Variants in SAPCD2 observed in about 807,000 individuals in gnomAD.
SAPCD2 encodes suppressor APC domain containing 2, also known as suppressor APC domain-containing protein 2.
A neutral mutation model predicts 37.8 loss-of-function variants in SAPCD2; 34 were observed. The observed-to-expected ratio is 0.90, with a 90% CI of 0.68 to 1.20. SAPCD2 has a LOEUF of 1.20. Among genes scored for constraint, SAPCD2 ranks in the 50% most tolerant of loss-of-function variants. The pLI is 0.00. For missense variants in SAPCD2, 572 were observed against 584.7 expected (o/e 0.98, Z 0.22); for synonymous variants, 275 against 270.3 (o/e 1.02, Z -0.17).
In SAPCD2 at chr9:137,070,283, C is replaced by G. The variant is rs2131532753; in HGVS notation, c.178G>C (p.Asp60His). ...ACCCCGCGGGGCAGCTCCCGCGCGTCGGTGCCCTGCCAGCGGGACTCGATC... is the reference window on the plus strand; with the variant it reads ...ACCCCGCGGGGCAGCTCCCGCGCGTGGGTGCCCTGCCAGCGGGACTCGATC... Reference protein sequence around the residue: ...REIESRWQGTDARELPRGVLE... With the variant: ...REIESRWQGTHARELPRGVLE... The change falls in exon 1 of 6, where the codon GAC (aspartate) becomes CAC (histidine). Residue 60 changes from aspartate to histidine, a missense_variant. Asp to His is a moderately conservative substitution (Grantham distance 81). Transcript: ENST00000409687. 1 of 1,461,926 alleles carries G rather than the reference C, an allele frequency of 6.8e-7. No individual in the cohort carries two copies. Among genetic ancestry groups the G allele is most frequent in the Non-Finnish European group, 9.0e-7 (1 of 1,109,062 alleles). The allele number at this position is 1,461,926 out of a possible 1,614,324, so 90.6% of individuals were successfully genotyped here.
rs776170767 is a variant in SAPCD2, at chr9:137,065,638, T to C, written c.715A>G (p.Lys239Glu). Residue 239 changes from lysine (K) to glutamate (E), a missense_variant, in exon 3 of 6, where the codon AAG becomes GAG. Coordinates refer to ENST00000409687, the MANE Select transcript of SAPCD2 (RefSeq NM_178448.4). ...LKQMKELEQE[K>E]EVLLQGLEMM... ...TCCAAACCCTGCAGCAGCACCTCCT[T>C]CTCCTGCTCCAGCTCCTTCATCTGC... The C allele has an allele frequency of 1.2e-6, 2 of 1,607,936 alleles. No individual in the cohort carries two copies. Among genetic ancestry groups the C allele is most frequent in the East Asian group, 2.2e-5 (1 of 44,654 alleles).
At chr9:137,068,959 C>G (rs1244627423) in intron 1 of SAPCD2, among the ~76,000 whole-genome samples, 9 of 152,256 alleles carry the variant, frequency 5.9e-5, no homozygotes, top group African/African-American at 2.2e-4. Context: ...GCTCCAAACA[C>G]CAGCTGTAGG....
chr9:137,066,344 T>A lies in SAPCD2; in HGVS notation c.602A>T (p.Asp201Val). 1.2e-6 allele frequency: 2 copies of A among 1,609,146 alleles called. No individual in the cohort carries two copies. The highest frequency in any genetic ancestry group is 1.7e-6 in the Non-Finnish European group (2 of 1,178,598). ...GGGAGCCCGCCGGGCATCCCCTGAG[T>A]CCGCCTCCAGGGCCCTGCACGCCAC... is the stretch of plus-strand genomic sequence containing the variant. ...GAVACRALEADSGDARRAPRA... is the reference protein window; with the variant it reads ...GAVACRALEAVSGDARRAPRA... Residue 201 changes from aspartate (D) to valine (V), a missense_variant, in exon 2 of 6, where the codon GAC (aspartate) becomes GTC (valine). Transcript: ENST00000409687.
chr9:137,068,934 G>A (rs1832586838), intron 1 of SAPCD2, among the ~76,000 whole-genome samples: 2 of 152,262 alleles, frequency 1.3e-5, no homozygotes, highest in Admixed American at 1.3e-4. Context: ...CACCAGGGAG[G>A]CCAGGGCCGC....
rs1564260825 is a variant in SAPCD2, at chr9:137,065,813, GC to G, written c.685-146del. On this transcript the variant is annotated intron_variant, in intron 2 of 5. Coordinates refer to ENST00000409687, the MANE Select transcript of SAPCD2 (RefSeq NM_178448.4). ...TACACGTTTGCAAACACCCACGGACGCACGCTTCTGCTGACACCTGCATGTG... is the reference window on the plus strand; with the variant it reads ...TACACGTTTGCAAACACCCACGGACGACGCTTCTGCTGACACCTGCATGTG... 7 of 981,112 alleles carry G rather than the reference GC, an allele frequency of 7.1e-6. No homozygotes were observed. In the Admixed American group the frequency reaches 1.7e-4, roughly 24 times the overall value. 60.8% of individuals were successfully genotyped at this position (981,112 alleles called of 1,614,324 possible).
At position 137,065,120 on chromosome 9, in the gene SAPCD2, G is replaced by A; in HGVS notation, c.897C>T (p.Ala299=). Residue 299 remains alanine (A), a synonymous_variant, in exon 4 of 6, where the codon GCC becomes GCT. Transcript: ENST00000409687. ...CAGCCAGCAGCTCCCCCAGGCACCG[G>A]GCCACCTCTTGTACCTTGGGCAGTA... ...GRLLPKVQEV[A]RCLGELLAAA... is the part of the protein sequence containing the mutation. The A allele has an allele frequency of 6.5e-7, 1 of 1,545,556 alleles. No homozygotes were observed. The highest frequency in any genetic ancestry group is 8.7e-7 in the Non-Finnish European group (1 of 1,146,204).
In SAPCD2 at chr9:137,065,149, G is replaced by A. The variant is rs757636026; in HGVS notation, c.868C>T (p.Arg290Trp). The A allele has an allele frequency of 1.3e-5, 20 of 1,512,498 alleles. No homozygotes were observed. Among genetic ancestry groups the A allele is most frequent in the East Asian group, 2.4e-5 (1 of 41,614 alleles). 93.7% of individuals were successfully genotyped at this position (1,512,498 alleles called of 1,614,324 possible). The change falls in exon 4 of 6, where the codon CGG (arginine) becomes TGG (tryptophan). Residue 290 changes from arginine to tryptophan, a missense_variant. By Grantham distance (101) the Arg-to-Trp change is moderately radical. Coordinates refer to ENST00000409687, the MANE Select transcript of SAPCD2 (RefSeq NM_178448.4). ...ACCTCTTGTACCTTGGGCAGTAGCC[G>A]CCCCAGTGGGCGGGGGCTCCCTGCA... ...GAAGSPRPLG[R>W]LLPKVQEVAR... is the part of the protein sequence containing the mutation.
rs377673655 is a variant in SAPCD2, at chr9:137,064,647, G to A, written c.*12C>T. On this transcript the variant is annotated 3_prime_UTR_variant, in exon 6 of 6. Coordinates refer to ENST00000409687, the MANE Select transcript of SAPCD2 (RefSeq NM_178448.4). ...CCAGGCTGGCCCTGGGGGCCCACGC[G>A]GCCCACAAGGACTAGATGAAGGTGG... 8.2e-6 allele frequency: 13 copies of A among 1,592,326 alleles called. No homozygotes were observed. In the East Asian group the frequency reaches 1.1e-4, roughly 14 times the overall value.
chr9:137,069,559 G>C (rs1050327640), intron 1 of SAPCD2, among the ~76,000 whole-genome samples: 2 of 152,334 alleles, frequency 1.3e-5, no homozygotes, highest in African/African-American at 4.8e-5. Context: ...AAGGGTATTG[G>C]AGATGGAGAG....
chr9:137,066,379 T>C lies in SAPCD2; in HGVS notation c.572-5A>G, dbSNP rs1473155626. 11 of 1,586,640 alleles carry C rather than the reference T, an allele frequency of 6.9e-6. No individual in the cohort carries two copies. Among genetic ancestry groups the C allele is most frequent in the Admixed American group, 3.5e-5 (2 of 57,642 alleles). ...GGGCCCTGCACGCCACTGCACCTGT[T>C]ATGGAGAGGCATGGGCCTGGCTCAC... On this transcript the variant is annotated splice_region_variant and splice_polypyrimidine_tract_variant and intron_variant, in intron 1 of 5. Coordinates refer to ENST00000409687, the MANE Select transcript of SAPCD2 (RefSeq NM_178448.4).
chr9:137,064,433 C>G lies in SAPCD2; in HGVS notation c.*226G>C. On this transcript the variant is annotated 3_prime_UTR_variant, in exon 6 of 6. Coordinates refer to ENST00000409687, the MANE Select transcript of SAPCD2 (RefSeq NM_178448.4). ...ATGCGGACTCAAGAGAGCCCCAGCCCATGTCAGCACCAGGAGCCAAAACGG... is the reference window on the plus strand; with the variant it reads ...ATGCGGACTCAAGAGAGCCCCAGCCGATGTCAGCACCAGGAGCCAAAACGG... 6.7e-6 allele frequency: 4 copies of G among 593,082 alleles called. No homozygotes were observed. Among genetic ancestry groups the G allele is most frequent in the Non-Finnish European group, 1.2e-5 (4 of 333,556 alleles). The allele number at this position is 593,082 out of a possible 1,614,324, so 36.7% of individuals were successfully genotyped here.
At chr9:137,067,187 C>T (rs1333210453) in intron 1 of SAPCD2, among the ~76,000 whole-genome samples, 1 of 151,780 alleles carries the variant, frequency 6.6e-6, no homozygotes, top group African/African-American at 2.4e-5. Flanking sequence ...TGAGGTTTCA[C>T]CATGTTGACC....
Position 137,070,233 on chromosome 9 carries a change from G to A in SAPCD2, c.228C>T (p.Ala76=). The change falls in exon 1 of 6, where the codon GCC becomes GCT. Residue 76 remains alanine, a synonymous_variant. Transcript: ENST00000409687. The part of the protein sequence containing the change: ...RGVLEGLRQV[A]PASGYLTFER... ...CGAAGGTCAGGTAGCCGCTGGCCGG[G>A]GCCACCTGGCGCAAGCCCTCCAGCA... The A allele has an allele frequency of 1.4e-6, 2 of 1,415,064 alleles. No homozygotes were observed. The highest frequency in any genetic ancestry group is 9.3e-7 in the Non-Finnish European group (1 of 1,080,306). 87.7% of individuals were successfully genotyped at this position (1,415,064 alleles called of 1,614,324 possible). A position where few individuals can be genotyped will look rare whatever the true frequency, so the allele number is the denominator to read the frequency against.
rs1306871917 is a variant in SAPCD2, at chr9:137,069,893, C to T, written c.568G>A (p.Ala190Thr). The T allele has an allele frequency of 2.4e-6, 3 of 1,273,198 alleles. No homozygotes were observed. The East Asian group carries it at 9.5e-5, about 40-fold the overall frequency. The allele number at this position is 1,273,198 out of a possible 1,614,324, so 78.9% of individuals were successfully genotyped here. A position where few individuals can be genotyped will look rare whatever the true frequency, so the allele number is the denominator to read the frequency against. The change falls in exon 1 of 6, where the codon GCA becomes ACA. Residue 190 changes from alanine to threonine, a missense_variant. By Grantham distance (58) the Ala-to-Thr change is moderately conservative. Transcript: ENST00000409687. ...CCGGGGGCCGTCCGGAACTCACCTG[C>T]GTCCGCGCTGGAGCTCGGTTCCAGC... ...AALEPSSSAD[A>T]GAVACRALEA... is the part of the protein sequence containing the mutation.
In SAPCD2 at chr9:137,067,774, CAAAAAAAAAAAA is replaced by C. The variant is rs36035728; in HGVS notation, c.572-1412_572-1401del. ...TGGGCGACAGAGCAAGACTCCATCT[CAAAAAAAAAAAA>C]AAAAAAAAAAAAAAAAGTCCCGCGT... On this transcript the variant is annotated intron_variant, in intron 1 of 5. Coordinates refer to ENST00000409687, the MANE Select transcript of SAPCD2 (RefSeq NM_178448.4). 9.9e-3 allele frequency among the ~76,000 whole-genome samples: 443 copies of C among 44,698 alleles called. 10 individuals carry two copies. Among genetic ancestry groups the C allele is most frequent in the African/African-American group, 0.037 (414 of 11,124 alleles). 29.3% of individuals were successfully genotyped at this position (44,698 alleles called of 152,430 possible).
Position 137,065,115 on chromosome 9 carries a change from C to T in SAPCD2, c.902G>A (p.Cys301Tyr). Reference sequence around the variant, plus strand: ...GGCTGCAGCCAGCAGCTCCCCCAGGCACCGGGCCACCTCTTGTACCTTGGG... The same window carrying T: ...GGCTGCAGCCAGCAGCTCCCCCAGGTACCGGGCCACCTCTTGTACCTTGGG... ...LLPKVQEVAR[C>Y]LGELLAAACA... Residue 301 changes from cysteine to tyrosine, a missense_variant, in exon 4 of 6, where the codon TGC becomes TAC. Coordinates refer to ENST00000409687, the MANE Select transcript of SAPCD2 (RefSeq NM_178448.4). 6.5e-7 allele frequency: 1 copy of T among 1,543,832 alleles called. No homozygotes were observed. The highest frequency in any genetic ancestry group is 8.7e-7 in the Non-Finnish European group (1 of 1,145,222).
At chr9:137,067,777 A>G (rs1832569701) in intron 1 of SAPCD2, among the ~76,000 whole-genome samples, 1 of 68,384 alleles carries the variant, frequency 1.5e-5, no homozygotes. Flanking sequence ...TCCATCTCAA[A>G]AAAAAAAAAA....
rs1832514108 is a variant in SAPCD2 at position 137,064,587 on chromosome 9, G to A, written c.*72C>T. The A allele has an allele frequency of 6.6e-7, 1 of 1,523,820 alleles. No individual in the cohort carries two copies. Among genetic ancestry groups the A allele is most frequent in the Non-Finnish European group, 8.9e-7 (1 of 1,125,148 alleles). 94.4% of individuals were successfully genotyped at this position (1,523,820 alleles called of 1,614,324 possible). A position where few individuals can be genotyped will look rare whatever the true frequency, so the allele number is the denominator to read the frequency against. On this transcript the variant is annotated 3_prime_UTR_variant, in exon 6 of 6. Coordinates refer to ENST00000409687, the MANE Select transcript of SAPCD2 (RefSeq NM_178448.4). ...GGGGGTCTCCAGCCAGAGAGGGTGG[G>A]TGCGATGGGGCGCCCACCCTCGAAG...
In SAPCD2 at chr9:137,065,079, C is replaced by T. The variant is rs774378411; in HGVS notation, c.938G>A (p.Arg313Gln). 21 of 1,524,372 alleles carry T rather than the reference C, an allele frequency of 1.4e-5. No homozygotes were observed. The highest frequency in any genetic ancestry group is 1.2e-4 in the East Asian group (5 of 41,206). The allele number at this position is 1,524,372 out of a possible 1,614,324, so 94.4% of individuals were successfully genotyped here. A position where few individuals can be genotyped will look rare whatever the true frequency, so the allele number is the denominator to read the frequency against. ...GELLAAACAS[R>Q]ALPPSSSGPP... The stretch of plus-strand genomic sequence containing the variant: ...TGTGGGGGTTTGGGGTACACTCACC[C>T]GGCTGGCACAGGCTGCAGCCAGCAG... The change falls in exon 4 of 6, where the codon CGG becomes CAG. Residue 313 changes from arginine (R) to glutamine (Q), a missense_variant and splice_region_variant. Transcript: ENST00000409687.
Sources: gnomAD v4.1 joint callset for allele counts (sites outside exome capture counted in the v4.1 genomes callset) on GRCh38, gnomAD v4.1.1 for gene constraint, MANE v1.5 for transcripts, NCBI Gene and HGNC (gene_info 2026-07-23, HGNC 2026-07-21) for gene names.